Variants in MGAT5 observed in about 807,000 individuals in gnomAD.
MGAT5 encodes the protein alpha-1,6-mannosylglycoprotein 6-beta-N-acetylglucosaminyltransferase, also known as alpha-1,6-mannosylglycoprotein 6-beta-N-acetylglucosaminyltransferase A.
In MGAT5, 30 loss-of-function variants were observed where a neutral mutation model predicts 94.3. The observed-to-expected ratio is 0.32, with a 90% CI of 0.24 to 0.43. The LOEUF (loss-of-function observed/expected upper bound fraction) is 0.43, where lower values mean the gene tolerates loss of function less well. MGAT5 is among the 20% of genes least tolerant of loss of function. The pLI is 1.00. For missense variants in MGAT5, 691 were observed against 905.5 expected (o/e 0.76, Z 3.04); for synonymous variants, 310 against 322.9 (o/e 0.96, Z 0.43).
chr2:134,365,044 C>A (rs1238098872), intron 10 of MGAT5, among the ~76,000 whole-genome samples: 1 of 152,184 alleles, frequency 6.6e-6, no homozygotes, highest in African/African-American at 2.4e-5. Context: ...CCTACCCAAT[C>A]CCGATTCACC....
chr2:134,246,923 A>G (rs566507867), intron 1 of MGAT5, among the ~76,000 whole-genome samples: 1 of 152,306 alleles, frequency 6.6e-6, no homozygotes, highest in South Asian at 2.1e-4. Context: ...AATTTATCAT[A>G]TTTCCTGTTA....
intron 1 of MGAT5, among the ~76,000 whole-genome samples, chr2:134,218,810 T>G (rs969340272): frequency 6.6e-6 from 1 of 152,188 alleles, no homozygotes; most frequent in Non-Finnish European, 1.5e-5. Flanking sequence ...ACAGGGAGAC[T>G]CTTAATTGGG....
intron 1 of MGAT5, among the ~76,000 whole-genome samples, chr2:134,120,533 A>C (rs1285025831): frequency 6.6e-6 from 1 of 151,446 alleles, no homozygotes; most frequent in East Asian, 2.0e-4. Flanking sequence ...TGAGAAGCCC[A>C]CCTGCCCCGG....
At chr2:134,354,949 T>A (rs954296193) in intron 9 of MGAT5, among the ~76,000 whole-genome samples, 2 of 152,096 alleles carry the variant, frequency 1.3e-5, no homozygotes, top group African/African-American at 4.8e-5. Flanking sequence ...TCAGGCTGTT[T>A]CTCCTCAGAG....
intron 1 of MGAT5, among the ~76,000 whole-genome samples, chr2:134,171,095 AG>A (rs927133520): frequency 2.0e-5 from 3 of 152,190 alleles, no homozygotes; most frequent in Non-Finnish European, 4.4e-5. Context: ...TCCTGACCTC[AG>A]GTGATCTGCC....
At chr2:134,369,862 G>T (rs1262514818) in intron 10 of MGAT5, among the ~76,000 whole-genome samples, 3 of 152,092 alleles carry the variant, frequency 2.0e-5, no homozygotes, top group Non-Finnish European at 4.4e-5. Flanking sequence ...TTATTCACCT[G>T]TGTGTTTTCA....
rs191692015 is a variant in MGAT5 at position 134,304,749 on chromosome 2, A to G, written c.407-12780A>G. Among the ~76,000 whole-genome samples, 253 of 152,256 alleles carry G rather than the reference A, an allele frequency of 1.7e-3. 1 individual carries two copies. The highest frequency in any genetic ancestry group is 0.011 in the South Asian group (51 of 4,828). ...AGGAATTAAGTTGTAAGATAGCCTG[A>G]TTTTTTGTTTTTTAACATGTCTTGC... On this transcript the variant is annotated intron_variant, in intron 2 of 15. Transcript: ENST00000281923.
At chr2:134,316,610 C>T (rs1052804710) in intron 2 of MGAT5, among the ~76,000 whole-genome samples, 3 of 152,010 alleles carry the variant, frequency 2.0e-5, no homozygotes, top group Non-Finnish European at 4.4e-5. Flanking sequence ...TTATAGGGCA[C>T]TTAGTGATAT....
chr2:134,192,090 G>A (rs1236987824), intron 1 of MGAT5, among the ~76,000 whole-genome samples: 2 of 143,632 alleles, frequency 1.4e-5, no homozygotes, highest in African/African-American at 5.2e-5. Flanking sequence ...CTGATGGAAG[G>A]GTGGGTTTGC....
At chr2:134,141,729 A>G (rs985852378) in intron 1 of MGAT5, among the ~76,000 whole-genome samples, 2 of 152,180 alleles carry the variant, frequency 1.3e-5, no homozygotes, top group Non-Finnish European at 2.9e-5. Context: ...GAAGAATGGG[A>G]TGGGAAAGAC....
At chr2:134,208,339 A>G (rs1466396980) in intron 1 of MGAT5, among the ~76,000 whole-genome samples, 1 of 152,220 alleles carries the variant, frequency 6.6e-6, no homozygotes, top group South Asian at 2.1e-4. Flanking sequence ...GCATGTTGCA[A>G]CAAATACTTA....
At chr2:134,122,040 A>G (rs969144406) in intron 1 of MGAT5, among the ~76,000 whole-genome samples, 11 of 151,664 alleles carry the variant, frequency 7.3e-5, no homozygotes, top group Admixed American at 7.2e-4. Flanking sequence ...TTTTGTTGCT[A>G]TTGTTCAGGG....
chr2:134,146,512 A>G (rs1686926683), intron 1 of MGAT5, among the ~76,000 whole-genome samples: 1 of 152,046 alleles, frequency 6.6e-6, no homozygotes. Context: ...GTGAGCTATG[A>G]TAGCACCACT....
intron 12 of MGAT5, among the ~76,000 whole-genome samples, chr2:134,416,592 C>T (rs547578585): frequency 6.6e-6 from 1 of 151,744 alleles, no homozygotes; most frequent in South Asian, 2.1e-4. Flanking sequence ...CTTCCTCAGC[C>T]TCCTGAGTAG....
At chr2:134,318,968 T>TA (rs1687166845) in intron 4 of MGAT5, among the ~76,000 whole-genome samples, 1 of 152,228 alleles carries the variant, frequency 6.6e-6, no homozygotes, top group African/African-American at 2.4e-5. Flanking sequence ...AGCTTTTCTT[T>TA]AAATTGTAGT....
chr2:134,273,670 TC>T lies in MGAT5; in HGVS notation c.406+3121del, dbSNP rs149264583. The stretch of plus-strand genomic sequence containing the variant: ...TCTGTGTGTCTCCTTATTTTTTCTC[TC>T]TAGCTGTGTTCTGTGTAGCTTTTAT... On this transcript the variant is annotated intron_variant, in intron 2 of 15. Coordinates refer to ENST00000281923, the MANE Select transcript of MGAT5 (RefSeq NM_002410.5). Among the ~76,000 whole-genome samples the T allele has an allele frequency of 7.1e-3, 1,077 of 152,176 alleles. 23 individuals carry two copies. In the East Asian group the frequency reaches 0.092, roughly 13 times the overall value.
At chr2:134,425,621 C>A (rs1383657380) in intron 13 of MGAT5, among the ~76,000 whole-genome samples, 1 of 152,086 alleles carries the variant, frequency 6.6e-6, no homozygotes, top group African/African-American at 2.4e-5. Context: ...TTTCTAAGAC[C>A]ATTTCTTATT....
chr2:134,398,465 G>A (rs1405662323), intron 10 of MGAT5, among the ~76,000 whole-genome samples: 1 of 152,158 alleles, frequency 6.6e-6, no homozygotes, highest in Non-Finnish European at 1.5e-5. Context: ...AGGTCATAAG[G>A]TGCTGCGTGA....
chr2:134,147,094 CTCTCTT>C (rs1686954804), intron 1 of MGAT5, among the ~76,000 whole-genome samples: 2 of 151,534 alleles, frequency 1.3e-5, no homozygotes, highest in East Asian at 4.2e-4. Flanking sequence ...CTCTCTCTCG[CTCTCTT>C]TCTTTTTTCC....
Sources: gnomAD v4.1 joint callset for allele counts (sites outside exome capture counted in the v4.1 genomes callset) on GRCh38, gnomAD v4.1.1 for gene constraint, MANE v1.5 for transcripts, NCBI Gene and HGNC (gene_info 2026-07-23, HGNC 2026-07-21) for gene names.